Variants in CNTN5 observed in about 807,000 individuals in gnomAD.
CNTN5 encodes contactin 5.
In CNTN5, 77 loss-of-function variants were observed where a neutral mutation model predicts 129.1. That is an observed-to-expected ratio of 0.60 (90% CI 0.50 to 0.72). The LOEUF (loss-of-function observed/expected upper bound fraction) is 0.72. Among genes scored for constraint, CNTN5 ranks in the 30% least tolerant of loss-of-function variants. The pLI is 0.00. For missense variants in CNTN5, 1,478 were observed against 1,328.8 expected (o/e 1.11, Z -1.75); for synonymous variants, 509 against 465.6 (o/e 1.09, Z -1.20).
At chr11:100,250,816 A>G (rs1322444501) in intron 16 of CNTN5, among the ~76,000 whole-genome samples, 1 of 152,158 alleles carries the variant, frequency 6.6e-6, no homozygotes, top group Non-Finnish European at 1.5e-5. Context: ...AAGATGGCTA[A>G]TTTAAACATT....
At chr11:100,192,838 A>T (rs903350718) in intron 14 of CNTN5, among the ~76,000 whole-genome samples, 1 of 152,020 alleles carries the variant, frequency 6.6e-6, no homozygotes, top group African/African-American at 2.4e-5. Context: ...ATTTCCATTC[A>T]GTGTTTCTAC....
intron 14 of CNTN5, among the ~76,000 whole-genome samples, 133 bp from the exon 15 acceptor site, chr11:100,193,335 CAAAAGCTAATAAAGATGTAA>C (rs1047814135): frequency 3.3e-5 from 5 of 151,802 alleles, no homozygotes; most frequent in African/African-American, 1.2e-4. Context: ...CCCTAGCATC[CAAAAGCTAATAAAGATGTAA>C]AAAAGCTGGT....
At chr11:99,043,469 A>C (rs1054577201) in intron 1 of CNTN5, among the ~76,000 whole-genome samples, 2 of 152,200 alleles carry the variant, frequency 1.3e-5, no homozygotes, top group Non-Finnish European at 2.9e-5. Flanking sequence ...GCACAATCAA[A>C]GATCTGGTGG....
chr11:99,708,671 T>C (rs933631287), intron 3 of CNTN5, among the ~76,000 whole-genome samples: 2 of 151,696 alleles, frequency 1.3e-5, no homozygotes, highest in African/African-American at 4.8e-5. Context: ...GATGCCTACT[T>C]TCTTTTCTCA....
chr11:99,677,024 T>A (rs1181275057), intron 3 of CNTN5, among the ~76,000 whole-genome samples: 3 of 152,146 alleles, frequency 2.0e-5, no homozygotes, highest in African/African-American at 7.2e-5. Context: ...AATGTTGTTA[T>A]ATTTCTATCT....
intron 9 of CNTN5, among the ~76,000 whole-genome samples, chr11:100,026,040 G>A (rs1211877415): frequency 6.6e-6 from 1 of 152,100 alleles, no homozygotes; most frequent in Non-Finnish European, 1.5e-5. Flanking sequence ...AGAATGATAT[G>A]TTTAGGGTTT....
intron 13 of CNTN5, among the ~76,000 whole-genome samples, chr11:100,109,194 G>A (rs1167803257): frequency 1.3e-5 from 2 of 152,176 alleles, no homozygotes. Context: ...TTGGGAGGTC[G>A]AGGCGGATGG....
intron 3 of CNTN5, among the ~76,000 whole-genome samples, chr11:99,809,586 T>A (rs552871104): frequency 2.0e-5 from 3 of 152,130 alleles, no homozygotes; most frequent in Non-Finnish European, 4.4e-5. Context: ...AAATCCAGAA[T>A]TGAATGAGTA....
chr11:100,335,667 C>CTGAA lies in CNTN5; in HGVS notation c.2731-4795_2731-4792dup, dbSNP rs1363327059. The stretch of plus-strand genomic sequence containing the variant: ...CCTGTAATCCCAGCTACTTGGGAGG[C>CTGAA]TGAAGCAGGAGAATCGCTTGAACCC... On this transcript the variant is annotated intron_variant, in intron 21 of 24. Transcript: ENST00000524871. 4.0e-5 allele frequency among the ~76,000 whole-genome samples: 6 copies of CTGAA among 151,848 alleles called. 1 individual carries two copies. The highest frequency in any genetic ancestry group is 1.4e-4 in the African/African-American group (6 of 41,394).
chr11:99,730,761 G>A (rs1943503784), intron 3 of CNTN5, among the ~76,000 whole-genome samples: 1 of 152,110 alleles, frequency 6.6e-6, no homozygotes, highest in Admixed American at 6.6e-5. Flanking sequence ...GGGTATTTAG[G>A]ATATCTATCA....
chr11:99,227,089 A>G (rs1860727156), intron 1 of CNTN5, among the ~76,000 whole-genome samples: 2 of 152,100 alleles, frequency 1.3e-5, no homozygotes, highest in East Asian at 1.9e-4. Context: ...GGCCACACGC[A>G]GTGGCTCCTG....
At chr11:100,240,168 C>T (rs1472057958) in intron 16 of CNTN5, among the ~76,000 whole-genome samples, 1 of 152,128 alleles carries the variant, frequency 6.6e-6, no homozygotes, top group Non-Finnish European at 1.5e-5. Flanking sequence ...ATTACAGACA[C>T]TCTCCCTGTA....
At chr11:100,171,673 C>G (rs994929211) in intron 13 of CNTN5, among the ~76,000 whole-genome samples, 40 of 151,888 alleles carry the variant, frequency 2.6e-4, no homozygotes, top group African/African-American at 8.7e-4. Flanking sequence ...CGTTTAGAAC[C>G]CAGTGCAAAG....
rs190805118 is a variant in CNTN5, at chr11:99,365,308, A to G, written c.-71+39824A>G. 2.0e-3 allele frequency among the ~76,000 whole-genome samples: 310 copies of G among 152,322 alleles called. 1 individual carries two copies. The highest frequency in any genetic ancestry group is 3.4e-3 in the Middle Eastern group (1 of 294). ...CATTTAGCATCATGCATAGCATATA[A>G]TAAATATGCCACAAATGAGTTAACA... On this transcript the variant is annotated intron_variant, in intron 2 of 24. Coordinates refer to ENST00000524871, the MANE Select transcript of CNTN5 (RefSeq NM_014361.4).
intron 1 of CNTN5, among the ~76,000 whole-genome samples, chr11:99,230,279 G>A (rs778865743): frequency 8.6e-5 from 13 of 151,988 alleles, no homozygotes; most frequent in Admixed American, 1.3e-4. Flanking sequence ...CAAAAATGAC[G>A]AAAGCATTTT....
At chr11:99,996,812 A>G (rs1939479759) in intron 8 of CNTN5, among the ~76,000 whole-genome samples, 1 of 152,142 alleles carries the variant, frequency 6.6e-6, no homozygotes, top group Non-Finnish European at 1.5e-5. Context: ...GAGAGGGAGC[A>G]TGGAAAACTG....
At chr11:99,325,234 A>T (rs1865733587) in intron 1 of CNTN5, 112 bp from the exon 2 acceptor site, 1 of 152,112 alleles carries the variant, frequency 6.6e-6, no homozygotes, top group Admixed American at 6.6e-5. Flanking sequence ...TTGTATGTAT[A>T]ACTAAATAGA....
intron 1 of CNTN5, among the ~76,000 whole-genome samples, chr11:99,252,881 C>A (rs1037104230): frequency 6.6e-6 from 1 of 150,846 alleles, no homozygotes; most frequent in African/African-American, 2.4e-5. Flanking sequence ...TTCATCTTTT[C>A]TTTATGGTTT....
At chr11:99,583,667 G>T (rs545291922) in intron 3 of CNTN5, among the ~76,000 whole-genome samples, 1 of 152,174 alleles carries the variant, frequency 6.6e-6, no homozygotes, top group Non-Finnish European at 1.5e-5. Flanking sequence ...TGTTAAGCCC[G>T]TTGGAAAAGT....
Sources: gnomAD v4.1 joint callset for allele counts (sites outside exome capture counted in the v4.1 genomes callset) on GRCh38, gnomAD v4.1.1 for gene constraint, MANE v1.5 for transcripts, NCBI Gene and HGNC (gene_info 2026-07-23, HGNC 2026-07-21) for gene names.